PXK: variants seen among roughly 807,000 people sequenced by gnomAD.
PXK encodes PX domain containing serine/threonine kinase like, also known as PX domain-containing protein kinase-like protein.
PXK carries 35 observed loss-of-function variants against 84.7 expected under a neutral mutation model. That is an observed-to-expected ratio of 0.41 (90% CI 0.32 to 0.55). The LOEUF (loss-of-function observed/expected upper bound fraction) is 0.55. Ranked by LOEUF, PXK falls within the 20% of genes least tolerant of loss-of-function variation. The pLI is 0.21. For missense variants in PXK, 634 were observed against 699.7 expected (o/e 0.91, Z 1.06); for synonymous variants, 253 against 260.8 (o/e 0.97, Z 0.29).
intron 1 of PXK, among the ~76,000 whole-genome samples, chr3:58,342,706 T>A: frequency 6.6e-6 from 1 of 152,144 alleles, no homozygotes; most frequent in African/African-American, 2.4e-5. Flanking sequence ...GAGTATTACT[T>A]ATTTTAGTTG....
chr3:58,354,680 C>T (rs150208733), intron 1 of PXK, among the ~76,000 whole-genome samples: 2,142 of 151,838 alleles, frequency 0.014, 63 homozygotes, highest in African/African-American at 0.049. Flanking sequence ...GAACTCCTGA[C>T]CTTGTGAATC....
Position 58,370,271 on chromosome 3 carries a change from A to C in PXK, c.201+793A>C, listed in dbSNP as rs531103657. Among the ~76,000 whole-genome samples, 1 of 152,304 alleles carries C rather than the reference A, an allele frequency of 6.6e-6. No homozygotes were observed. The highest frequency in any genetic ancestry group is 1.9e-4 in the East Asian group (1 of 5,184). On this transcript the variant is annotated intron_variant, in intron 3 of 17. Transcript: ENST00000356151. The surrounding 1 kb of genome is among the most constrained non-coding windows in gnomAD (Gnocchi z 4.2). ...CTTTGTTTTAAATGTTCCTAACTTG[A>C]GGGCCATAATGGGAAGAAGCATGAG...
intron 7 of PXK, among the ~76,000 whole-genome samples, chr3:58,394,583 G>T (rs2057343328): frequency 6.6e-6 from 1 of 152,150 alleles, no homozygotes; most frequent in African/African-American, 2.4e-5. Context: ...ATTGATCCTG[G>T]TCTCCATTTG....
chr3:58,403,643 A>AT lies in PXK; in HGVS notation c.1182-218dup, dbSNP rs1282065173. Among the ~76,000 whole-genome samples, 5 of 152,218 alleles carry AT rather than the reference A, an allele frequency of 3.3e-5. No homozygotes were observed. In the East Asian group the frequency reaches 9.6e-4, roughly 29 times the overall value. On this transcript the variant is annotated intron_variant, in intron 12 of 17. Transcript: ENST00000356151. The stretch of plus-strand genomic sequence containing the variant: ...CCCCTCTAGTACACAGCTGGCCCAG[A>AT]TACCCTAGTAACACAGTGGGAAGGG...
intron 17 of PXK, chr3:58,420,731 A>G: frequency 6.9e-7 from 1 of 1,442,986 alleles, no homozygotes; most frequent in Non-Finnish European, 9.1e-7. Context: ...GCATCTTTAA[A>G]AAGCACCCAG....
intron 1 of PXK, among the ~76,000 whole-genome samples, chr3:58,355,452 G>A (rs1386939435): frequency 6.6e-6 from 1 of 152,212 alleles, no homozygotes; most frequent in African/African-American, 2.4e-5. Context: ...GTTTTGGCTT[G>A]AGCGACTTAA....
chr3:58,388,226 A>G (rs1305381439), intron 4 of PXK, among the ~76,000 whole-genome samples: 2 of 152,152 alleles, frequency 1.3e-5, no homozygotes, highest in East Asian at 3.8e-4. Flanking sequence ...GAAAAAAGCT[A>G]TTTCACAGTC....
At chr3:58,381,366 A>G (rs2098500848) in intron 3 of PXK, among the ~76,000 whole-genome samples, 1 of 152,086 alleles carries the variant, frequency 6.6e-6, no homozygotes. Flanking sequence ...AAGCAAAAAC[A>G]TCTCTAGGAT....
chr3:58,340,119 A>ATT (rs547721745), intron 1 of PXK, among the ~76,000 whole-genome samples: 245 of 125,822 alleles, frequency 1.9e-3, no homozygotes, highest in Non-Finnish European at 2.4e-3. Context: ...CGCCTGGCCG[A>ATT]TTTTTTTTTT....
Position 58,379,931 on chromosome 3 carries a change from C to T in PXK, c.202-2583C>T, listed in dbSNP as rs1398805804. ...AGGCTACAGTGAGCGGTGATCATGC[C>T]ACTGCACTTTAGCCTGGGTGACAGG... On this transcript the variant is annotated intron_variant, in intron 3 of 17. Transcript: ENST00000356151. This position sits in a 1 kb window ranked among gnomAD's most constrained non-coding sequence, Gnocchi z 5.1. Among the ~76,000 whole-genome samples the T allele has an allele frequency of 6.6e-6, 1 of 152,028 alleles. No homozygotes were observed. The highest frequency in any genetic ancestry group is 2.4e-5 in the African/African-American group (1 of 41,378).
intron 1 of PXK, among the ~76,000 whole-genome samples, chr3:58,360,153 A>C (rs1019604891): frequency 6.6e-6 from 1 of 151,980 alleles, no homozygotes. Flanking sequence ...ATAGAGGGAG[A>C]GATTTGTCAC....
chr3:58,354,980 A>G (rs1200668641), intron 1 of PXK, among the ~76,000 whole-genome samples: 1 of 152,032 alleles, frequency 6.6e-6, no homozygotes, highest in Non-Finnish European at 1.5e-5. Context: ...TTAGCCAAGC[A>G]TGGTGGTGTG....
chr3:58,405,364 T>G (rs1470219093), intron 13 of PXK, among the ~76,000 whole-genome samples: 1 of 152,146 alleles, frequency 6.6e-6, no homozygotes, highest in Non-Finnish European at 1.5e-5. Context: ...ACCAGACTCC[T>G]CATGATTTAA....
Position 58,341,562 on chromosome 3 carries a change from A to AAAAAC in PXK, c.102+8488_102+8492dup, listed in dbSNP as rs539098630. Among the ~76,000 whole-genome samples, 9 of 152,226 alleles carry AAAAAC rather than the reference A, an allele frequency of 5.9e-5. No homozygotes were observed. The East Asian group carries it at 7.7e-4, about 13-fold the overall frequency. On this transcript the variant is annotated intron_variant, in intron 1 of 17. Transcript: ENST00000356151. ...GGATGACAGAGTGAGACTCTATCTC[A>AAAAAC]AAAACAAAACAAAACAAAACTTTAT...
intron 4 of PXK, among the ~76,000 whole-genome samples, chr3:58,389,775 G>A (rs1040040678): frequency 4.0e-5 from 6 of 151,870 alleles, no homozygotes; most frequent in Non-Finnish European, 7.4e-5. Flanking sequence ...CGAGGTGGGC[G>A]GATCACCTGA....
At chr3:58,392,828 A>C (rs2098644812) in intron 7 of PXK, among the ~76,000 whole-genome samples, 1 of 151,598 alleles carries the variant, frequency 6.6e-6, no homozygotes, top group Non-Finnish European at 1.5e-5. Flanking sequence ...CACCCAGCTA[A>C]TTTTTGTATT....
chr3:58,423,741 G>A (rs1270337037), intron 17 of PXK, among the ~76,000 whole-genome samples: 1 of 152,210 alleles, frequency 6.6e-6, no homozygotes, highest in African/African-American at 2.4e-5. Context: ...AGAGCTGCAA[G>A]GTCACAGGAG....
chr3:58,409,955 T>C lies in PXK; in HGVS notation c.1396-135T>C, dbSNP rs1267718279. On this transcript the variant is annotated intron_variant, in intron 15 of 17. Coordinates refer to ENST00000356151, the MANE Select transcript of PXK (RefSeq NM_017771.5). This position sits in a 1 kb window ranked among gnomAD's most constrained non-coding sequence, Gnocchi z 4.2. Reference sequence around the variant, plus strand: ...GTGACTTCTTCACTGTGTTAAGTTATGGGGCTGAATATTACCTTGTCTGCA... The same window carrying C: ...GTGACTTCTTCACTGTGTTAAGTTACGGGGCTGAATATTACCTTGTCTGCA... 1.6e-6 allele frequency: 1 copy of C among 638,416 alleles called. No individual in the cohort carries two copies. Among genetic ancestry groups the C allele is most frequent in the Non-Finnish European group, 2.7e-6 (1 of 366,284 alleles). The allele number at this position is 638,416 out of a possible 1,614,324, so 39.5% of individuals were successfully genotyped here.
intron 17 of PXK, chr3:58,423,354 C>A (rs1246078480): frequency 1.4e-6 from 2 of 1,475,430 alleles, no homozygotes; most frequent in South Asian, 1.2e-5. Flanking sequence ...AACCAATGAA[C>A]ATGTTGGTCA....
Sources: gnomAD v4.1 joint callset for allele counts (sites outside exome capture counted in the v4.1 genomes callset) on GRCh38, gnomAD v4.1.1 for gene constraint, Gnocchi (gnomAD v3.1) non-coding constraint, MANE v1.5 for transcripts, NCBI Gene and HGNC (gene_info 2026-07-23, HGNC 2026-07-21) for gene names.